Variants in BSN observed in about 807,000 individuals in gnomAD.
BSN encodes bassoon presynaptic cytomatrix protein, also known as protein bassoon.
BSN carries 57 observed loss-of-function variants against 264.8 expected under a neutral mutation model. The ratio of observed to expected loss-of-function variants is 0.22; its 90% CI spans 0.17 to 0.27. BSN has a LOEUF of 0.27. BSN is among the 10% of genes least tolerant of loss of function. The pLI, the probability that BSN is intolerant of heterozygous loss-of-function variation, is 1.00. For synonymous variants in BSN, 2,059 were observed against 2,137.3 expected, an observed-to-expected ratio of 0.96 and a Z score of 1.01; for missense variants, 4,615 against 5,232.5, an observed-to-expected ratio of 0.88 and a Z score of 3.64.
At chr3:49,613,013 A>G (rs2108047211) in intron 1 of BSN, among the ~76,000 whole-genome samples, 1 of 152,234 alleles carries the variant, frequency 6.6e-6, no homozygotes, top group Non-Finnish European at 1.5e-5. Flanking sequence ...CATGCCTATA[A>G]TCCCAGCTAC....
intron 2 of BSN, among the ~76,000 whole-genome samples, chr3:49,630,638 C>T (rs2052377758): frequency 2.0e-5 from 3 of 151,912 alleles, no homozygotes; most frequent in Admixed American, 1.3e-4. Flanking sequence ...GGAAGAGGGC[C>T]ATAAGTTAAG....
intron 1 of BSN, among the ~76,000 whole-genome samples, chr3:49,623,053 C>T (rs1046323532): frequency 2.6e-5 from 4 of 152,178 alleles, no homozygotes; most frequent in African/African-American, 9.7e-5. Flanking sequence ...GCCAGTTCCT[C>T]AGAAGGGAGG....
rs762368563 is a variant in BSN at position 49,650,718 on chromosome 3, G to T, written c.1625G>T (p.Gly542Val). ...CCCACCTCACAGCAGCCCCCTGTAG[G>T]GGCCCCTCACCGTGCATCTGGAACA... is the stretch of plus-strand genomic sequence containing the variant. ...PPPTSQQPPVGAPHRASGTSP... is the reference protein window; with the variant it reads ...PPPTSQQPPVVAPHRASGTSP... Residue 542 changes from glycine to valine, a missense_variant, in exon 4 of 12, where the codon GGG becomes GTG. Transcript: ENST00000296452. The T allele has an allele frequency of 6.2e-7, 1 of 1,613,146 alleles. No homozygotes were observed. Among genetic ancestry groups the T allele is most frequent in the South Asian group, 1.1e-5 (1 of 91,070 alleles).
Position 49,654,883 on chromosome 3 carries a change from A to C in BSN, c.5327A>C (p.Gln1776Pro), listed in dbSNP as rs1008057765. 3 of 1,613,442 alleles carry C rather than the reference A, an allele frequency of 1.9e-6. No individual in the cohort carries two copies. The Admixed American group carries it at 5.0e-5, about 27-fold the overall frequency. The part of the protein sequence containing the change: ...GSPVCLAQVK[Q>P]VEQAVQTAPY... ...CCTGTGTGCCTGGCCCAGGTCAAAC[A>C]AGTAGAGCAGGCTGTCCAGACAGCC... is the stretch of plus-strand genomic sequence containing the variant. Residue 1776 changes from glutamine to proline, a missense_variant, in exon 5 of 12, where the codon CAA (glutamine) becomes CCA (proline). Coordinates refer to ENST00000296452, the MANE Select transcript of BSN (RefSeq NM_003458.4). This position sits in a 1 kb window ranked among gnomAD's most constrained non-coding sequence, Gnocchi z 4.1.
At chr3:49,609,035 G>A (rs1325553200) in intron 1 of BSN, among the ~76,000 whole-genome samples, 4 of 151,662 alleles carry the variant, frequency 2.6e-5, no homozygotes, top group Non-Finnish European at 5.9e-5. Context: ...GAGGAATCTG[G>A]TGAGGGCCCA....
At position 49,654,418 on chromosome 3, in the gene BSN, C is replaced by T. The variant is rs1186483998; in HGVS notation, c.4862C>T (p.Ala1621Val). ...CCTGGCTTTCCACGGGTGCCCAGTG[C>T]TGGTGCAGATGGGCCCCTGGCACTA... is the stretch of plus-strand genomic sequence containing the variant. ...GPPGFPRVPS[A>V]GADGPLALYG... Residue 1621 changes from alanine (A) to valine (V), a missense_variant, in exon 5 of 12, where the codon GCT becomes GTT. Around this residue, in one of 3 missense-constraint regions of BSN, gnomAD observed 3,415 missense variants for 3,866.4 expected, o/e 0.88. Transcript: ENST00000296452. The surrounding 1 kb of genome is among the most constrained non-coding windows in gnomAD (Gnocchi z 4.1). 2 of 1,599,980 alleles carry T rather than the reference C, an allele frequency of 1.3e-6. No individual in the cohort carries two copies. Among genetic ancestry groups the T allele is most frequent in the Non-Finnish European group, 8.5e-7 (1 of 1,174,124 alleles).
chr3:49,655,644 G>A lies in BSN; in HGVS notation c.6088G>A (p.Gly2030Arg). 1 of 1,613,666 alleles carries A rather than the reference G, an allele frequency of 6.2e-7. No individual in the cohort carries two copies. The highest frequency in any genetic ancestry group is 8.5e-7 in the Non-Finnish European group (1 of 1,179,968). The part of the protein sequence containing the change: ...KHSYSLGFAD[G>R]RYLGQGLQYG... Reference sequence around the variant, plus strand: ...CTCCTACAGCCTGGGCTTTGCGGATGGACGCTACCTAGGGCAGGGCTTGCA... The same window carrying A: ...CTCCTACAGCCTGGGCTTTGCGGATAGACGCTACCTAGGGCAGGGCTTGCA... Residue 2030 changes from glycine to arginine, a missense_variant, in exon 5 of 12, where the codon GGA becomes AGA. Gly to Arg is a moderately radical substitution (Grantham distance 125, BLOSUM62 -2). This residue lies in a region of BSN where 3,415 missense variants were observed against 3,866.4 expected (regional missense o/e 0.88). Transcript: ENST00000296452.
Position 49,651,186 on chromosome 3 carries a change from G to A in BSN, c.1986+107G>A, listed in dbSNP as rs997456127. 19 of 1,127,934 alleles carry A rather than the reference G, an allele frequency of 1.7e-5. No homozygotes were observed. The highest frequency in any genetic ancestry group is 2.2e-5 in the Non-Finnish European group (18 of 813,430). The allele number at this position is 1,127,934 out of a possible 1,614,324, so 69.9% of individuals were successfully genotyped here. On this transcript the variant is annotated intron_variant, in intron 4 of 11. Coordinates refer to ENST00000296452, the MANE Select transcript of BSN (RefSeq NM_003458.4). The surrounding 1 kb of genome is among the most constrained non-coding windows in gnomAD (Gnocchi z 5.4). The stretch of plus-strand genomic sequence containing the variant: ...GCTGTAGGCTCAGGACAGGTGCCTT[G>A]GGGCCACACAGGAGGGAAGGGACAC...
chr3:49,610,908 C>T (rs887489705), intron 1 of BSN, among the ~76,000 whole-genome samples: 2 of 152,170 alleles, frequency 1.3e-5, no homozygotes, highest in Non-Finnish European at 2.9e-5. Context: ...ATTGGGTGAT[C>T]TTGCCAACTG....
At chr3:49,613,303 C>CGAGAGAGA (rs752108805) in intron 1 of BSN, among the ~76,000 whole-genome samples, 5,221 of 47,298 alleles carry the variant, frequency 0.11, 1,120 homozygotes, top group Middle Eastern at 0.17. Context: ...ACACACAGAG[C>CGAGAGAGA]GAGAGAGAGA....
At chr3:49,619,426 C>G (rs1214389879) in intron 1 of BSN, among the ~76,000 whole-genome samples, 2 of 152,172 alleles carry the variant, frequency 1.3e-5, no homozygotes, top group Non-Finnish European at 2.9e-5. Context: ...TCTACAGCTA[C>G]CCTAGAAAGG....
At chr3:49,610,129 C>G (rs1046183044) in intron 1 of BSN, among the ~76,000 whole-genome samples, 2 of 152,196 alleles carry the variant, frequency 1.3e-5, no homozygotes, top group Non-Finnish European at 2.9e-5. Flanking sequence ...GAGACTCTGC[C>G]AGTCCACATT....
intron 1 of BSN, among the ~76,000 whole-genome samples, chr3:49,620,092 A>G (rs1047440586): frequency 9.2e-5 from 14 of 152,154 alleles, no homozygotes; most frequent in African/African-American, 3.1e-4. Context: ...AGGGGAGACA[A>G]GCACAGTTTT....
In BSN at chr3:49,650,792, C is replaced by T; in HGVS notation, c.1699C>T (p.Pro567Ser). The T allele has an allele frequency of 2.5e-6, 4 of 1,613,850 alleles. No individual in the cohort carries two copies. Among genetic ancestry groups the T allele is most frequent in the East Asian group, 4.5e-5 (2 of 44,884 alleles). The change falls in exon 4 of 12, where the codon CCC (proline) becomes TCC (serine). Residue 567 changes from proline (P) to serine (S), a missense_variant. Transcript: ENST00000296452. Reference protein sequence around the residue: ...GPQGLGQPSGPLPAKASPLST... With the variant: ...GPQGLGQPSGSLPAKASPLST... ...ACAGGGGCTGGGCCAGCCTTCAGGC[C>T]CCCTGCCTGCCAAGGCCAGCCCTCT...
rs572737929 is a variant in BSN, at chr3:49,663,372, G to A, written c.11214G>A (p.Lys3738=). 6.2e-7 allele frequency: 1 copy of A among 1,613,284 alleles called. No individual in the cohort carries two copies. Among genetic ancestry groups the A allele is most frequent in the African/African-American group, 1.3e-5 (1 of 75,082 alleles). Residue 3738 remains lysine (K), a synonymous_variant, in exon 7 of 12, where the codon AAG becomes AAA. Transcript: ENST00000296452. ...CCGGGCCCGCTGCACTGCAGTCAAA[G>A]GCAGAACCCCAGGCGCAGCCGCAGC... The part of the protein sequence containing the change: ...AHSGPAALQS[K]AEPQAQPQLQ...
At chr3:49,569,787 A>G (rs1160209530) in intron 1 of BSN, among the ~76,000 whole-genome samples, 2 of 152,182 alleles carry the variant, frequency 1.3e-5, no homozygotes, top group Non-Finnish European at 2.9e-5. Flanking sequence ...GTCTCTCACT[A>G]TAGGAAAAGT....
intron 1 of BSN, among the ~76,000 whole-genome samples, chr3:49,608,831 A>G (rs1230256637): frequency 2.0e-5 from 3 of 149,674 alleles, no homozygotes; most frequent in Non-Finnish European, 3.0e-5. Context: ...CCGTCTCGGG[A>G]AAAAAAAAAA....
At chr3:49,606,623 G>A (rs1464434542) in intron 1 of BSN, among the ~76,000 whole-genome samples, 2 of 151,930 alleles carry the variant, frequency 1.3e-5, no homozygotes, top group Non-Finnish European at 2.9e-5. Context: ...CTGACATGCA[G>A]TAAAGCCACA....
At chr3:49,570,783 T>C (rs1480669031) in intron 1 of BSN, among the ~76,000 whole-genome samples, 1 of 152,154 alleles carries the variant, frequency 6.6e-6, no homozygotes, top group Non-Finnish European at 1.5e-5. Flanking sequence ...AGGCAATACC[T>C]CCCCTTCCAG....
Sources: allele counts gnomAD v4.1 joint callset (sites outside exome capture counted in the v4.1 genomes callset), GRCh38; gene constraint gnomAD v4.1.1; regional missense constraint gnomAD v4.1.1; non-coding constraint Gnocchi (gnomAD v3.1); transcripts MANE v1.5; gene names NCBI Gene and HGNC (gene_info 2026-07-23, HGNC 2026-07-21).